The following THBS4 variants were observed in gnomAD, a reference collection of about 807,000 sequenced individuals.
THBS4 encodes the protein thrombospondin-4.
In THBS4, 90 loss-of-function variants were observed where a neutral mutation model predicts 115.7. The observed-to-expected ratio is 0.78, with a 90% CI of 0.66 to 0.93. The LOEUF is 0.93. THBS4 is among the 40% of genes least tolerant of loss of function. The probability of loss-of-function intolerance (pLI) is 0.00; values close to 1 mark genes in which losing one functional copy is unlikely to be tolerated. For synonymous variants in THBS4, 460 were observed against 479.3 expected (o/e 0.96, Z 0.53); for missense variants, 1,087 against 1,232.7 (o/e 0.88, Z 1.77).
At chr5:80,077,980 C>A (rs2288394) in intron 16 of THBS4, 69 bp from the exon 17 acceptor site, 3 of 1,372,176 alleles carry the variant, frequency 2.2e-6, no homozygotes, top group Non-Finnish European at 2.9e-6. Context: ...ATGCAGCCCC[C>A]TTCCCTGCCA....
intron 1 of THBS4, among the ~76,000 whole-genome samples, chr5:79,994,744 T>G (rs1229601659): frequency 6.6e-6 from 1 of 152,234 alleles, no homozygotes; most frequent in East Asian, 1.9e-4. Flanking sequence ...AGGAGAAGAT[T>G]GCAGTGAGCC....
At chr5:80,018,082 G>A (rs1832285444) in intron 2 of THBS4, among the ~76,000 whole-genome samples, 1 of 151,732 alleles carries the variant, frequency 6.6e-6, no homozygotes, top group South Asian at 2.1e-4. Context: ...CTTGTGATTT[G>A]GCTTATCATC....
intron 10 of THBS4, chr5:80,068,778 G>A (rs999724876): frequency 6.5e-6 from 1 of 153,234 alleles, no homozygotes. Context: ...GGGGAGGCTG[G>A]GAAGAGAGTA....
chr5:80,036,510 A>G (rs1832724460), intron 1 of THBS4, among the ~76,000 whole-genome samples: 1 of 152,214 alleles, frequency 6.6e-6, no homozygotes, highest in African/African-American at 2.4e-5. Flanking sequence ...CTGAATCTAT[A>G]ATTTAAAAAG....
intron 14 of THBS4, chr5:80,072,660 T>A (rs1258070775): frequency 9.2e-6 from 4 of 434,546 alleles, no homozygotes; most frequent in South Asian, 3.9e-5. Flanking sequence ...AATACAAGTA[T>A]TTTTCCTGCA....
chr5:80,067,733 C>G, intron 9 of THBS4: 1 of 453,614 alleles, frequency 2.2e-6, no homozygotes. Flanking sequence ...ACAGTCCAGC[C>G]TTCTTCCTTC....
At chr5:80,023,200 C>T (rs999645713) in intron 2 of THBS4, among the ~76,000 whole-genome samples, 1 of 152,148 alleles carries the variant, frequency 6.6e-6, no homozygotes, top group Non-Finnish European at 1.5e-5. Context: ...TATTTTTATC[C>T]TGAGACCTTG....
At chr5:80,019,272 T>TAC (rs913254326) in intron 2 of THBS4, among the ~76,000 whole-genome samples, 8 of 152,062 alleles carry the variant, frequency 5.3e-5, no homozygotes, top group East Asian at 3.9e-4. Context: ...AAAAAAGTCA[T>TAC]ACACACACAC....
At chr5:80,061,572 C>A (rs1486639884) in intron 7 of THBS4, 123 bp from the exon 8 acceptor site, 1 of 1,325,610 alleles carries the variant, frequency 7.5e-7, no homozygotes, top group Non-Finnish European at 1.0e-6. Flanking sequence ...CCTTTATTTC[C>A]TTTTATTATT....
chr5:80,072,429 G>T, intron 14 of THBS4, 33 bp downstream of exon 14: 1 of 1,570,360 alleles, frequency 6.4e-7, no homozygotes, highest in Non-Finnish European at 8.8e-7. Context: ...CAAACTCCAG[G>T]CTGAATTCCT....
At chr5:80,005,412 G>A (rs1831995301) in intron 2 of THBS4, among the ~76,000 whole-genome samples, 1 of 152,188 alleles carries the variant, frequency 6.6e-6, no homozygotes, top group African/African-American at 2.4e-5. Flanking sequence ...TGAATTAAGT[G>A]TACTCCAAAT....
chr5:80,048,632 ATG>A (rs56183875), intron 2 of THBS4, among the ~76,000 whole-genome samples: 4,298 of 147,030 alleles, frequency 0.029, 85 homozygotes, highest in East Asian at 0.12. Context: ...CACTAGATAG[ATG>A]TGTGTGTGTG....
At chr5:80,036,298 C>G in intron 1 of THBS4, 1 of 663,126 alleles carries the variant, frequency 1.5e-6, no homozygotes, top group Non-Finnish European at 1.9e-6. Context: ...AAGCAAATAC[C>G]ATGTTCTCAC....
Position 80,067,782 on chromosome 5 carries a change from C to T in THBS4, c.1195-191C>T, listed in dbSNP as rs1328271224. 3 of 587,134 alleles carry T rather than the reference C, an allele frequency of 5.1e-6. No homozygotes were observed. In the East Asian group the frequency reaches 9.3e-5, roughly 18 times the overall value. 36.4% of individuals were successfully genotyped at this position (587,134 alleles called of 1,614,324 possible). A position where few individuals can be genotyped will look rare whatever the true frequency, so the allele number is the denominator to read the frequency against. ...CTTTGTCTGAGTGGCCGGACGCAGCCTCCAGTCTGATGGTGTTTTCATCAA... is the reference window on the plus strand; with the variant it reads ...CTTTGTCTGAGTGGCCGGACGCAGCTTCCAGTCTGATGGTGTTTTCATCAA... On this transcript the variant is annotated intron_variant, in intron 9 of 21. Transcript: ENST00000350881.
At chr5:80,023,401 T>C (rs1396154644) in intron 2 of THBS4, among the ~76,000 whole-genome samples, 2 of 152,218 alleles carry the variant, frequency 1.3e-5, no homozygotes, top group African/African-American at 4.8e-5. Flanking sequence ...CTACTTGTAG[T>C]CAGGGCAATT....
intron 1 of THBS4, among the ~76,000 whole-genome samples, chr5:79,994,920 G>A (rs747431488): frequency 1.3e-5 from 2 of 152,228 alleles, no homozygotes; most frequent in Non-Finnish European, 1.5e-5. Flanking sequence ...GCTTGGCAAA[G>A]GCCTAATGAA....
intron 2 of THBS4, among the ~76,000 whole-genome samples, chr5:80,019,013 G>A (rs1385320825): frequency 2.0e-5 from 3 of 151,348 alleles, no homozygotes; most frequent in Non-Finnish European, 2.9e-5. Flanking sequence ...TCGATTGCCT[G>A]GGAGGACTAC....
chr5:80,071,101 G>C lies in THBS4; in HGVS notation c.1641G>C (p.Leu547=), dbSNP rs901037421. Reference sequence around the variant, plus strand: ...TTGGGGATGCCTGTGATAACTGCCTGAGTGTCTTAAATAACGACCAGAAAG... The same window carrying C: ...TTGGGGATGCCTGTGATAACTGCCTCAGTGTCTTAAATAACGACCAGAAAG... ...DIFGDACDNC[L]SVLNNDQKDT... The change falls in exon 13 of 22, where the codon CTG becomes CTC. Residue 547 remains leucine (L), a synonymous_variant. Transcript: ENST00000350881. The C allele has an allele frequency of 6.2e-7, 1 of 1,611,392 alleles. No individual in the cohort carries two copies. Among genetic ancestry groups the C allele is most frequent in the Non-Finnish European group, 8.5e-7 (1 of 1,179,504 alleles).
Position 79,998,408 on chromosome 5 carries a change from CCT to C in THBS4, n.159_160del, listed in dbSNP as rs575193682. 242 of 155,370 alleles carry C rather than the reference CCT, an allele frequency of 1.6e-3. 1 individual carries two copies. Among genetic ancestry groups the C allele is most frequent in the African/African-American group, 5.5e-3 (231 of 41,656 alleles). 9.6% of individuals were successfully genotyped at this position (155,370 alleles called of 1,614,324 possible). A position where few individuals can be genotyped will look rare whatever the true frequency, so the allele number is the denominator to read the frequency against. ...TTCTGAGACCCCCTCAGCCATGTTT[CCT>C]GTAGAGCCTGTGGAGTTGTGAGTCA... is the stretch of plus-strand genomic sequence containing the variant. On this transcript the variant is annotated non_coding_transcript_exon_variant, in exon 2 of 4. Transcript: ENST00000510218.
Sources: gnomAD v4.1 joint callset for allele counts (sites outside exome capture counted in the v4.1 genomes callset) on GRCh38, gnomAD v4.1.1 for gene constraint, MANE v1.5 for transcripts, NCBI Gene and HGNC (gene_info 2026-07-23, HGNC 2026-07-21) for gene names.